Variants in OPCML observed in about 807,000 individuals in gnomAD.
The protein encoded by OPCML is opioid-binding protein/cell adhesion molecule.
A neutral mutation model predicts 37.8 loss-of-function variants in OPCML; 13 were observed. The observed-to-expected ratio is 0.34, with a 90% confidence interval of 0.22 to 0.55. The LOEUF (loss-of-function observed/expected upper bound fraction) is 0.55. Ranked by LOEUF, OPCML falls within the 20% of genes least tolerant of loss-of-function variation. OPCML has a pLI of 0.91. For synonymous variants in OPCML, 176 were observed against 168.8 expected (o/e 1.04, Z -0.33); for missense variants, 341 against 435.6 (o/e 0.78, Z 1.93).
intron 2 of OPCML, among the ~76,000 whole-genome samples, chr11:132,842,253 T>C (rs1941327793): frequency 6.6e-6 from 1 of 152,168 alleles, no homozygotes; most frequent in Non-Finnish European, 1.5e-5. Context: ...CAAGTCTTCC[T>C]CTCACGCCGC....
chr11:133,015,395 TGAAGGAAGGAAGGAAGGAAG>T (rs1212156985), intron 1 of OPCML, among the ~76,000 whole-genome samples: 1 of 68,206 alleles, frequency 1.5e-5, no homozygotes, highest in Admixed American at 1.7e-4. Context: ...AAGGAAGGAA[TGAAGGAAGGAAGGAAGGAAG>T]GAAGGAAGGA....
intron 2 of OPCML, among the ~76,000 whole-genome samples, chr11:132,883,389 A>G (rs778195924): frequency 1.3e-5 from 2 of 152,222 alleles, no homozygotes; most frequent in Non-Finnish European, 2.9e-5. Context: ...CCCGCAAGAG[A>G]GCACAGGATT....
At chr11:133,112,310 A>AG (rs371020936) in intron 1 of OPCML, among the ~76,000 whole-genome samples, 4 of 91,394 alleles carry the variant, frequency 4.4e-5, no homozygotes, top group Non-Finnish European at 5.6e-5. Flanking sequence ...AAAAAAAAAA[A>AG]GGGGAAAGAA....
At chr11:132,493,133 G>A (rs752265166) in intron 4 of OPCML, among the ~76,000 whole-genome samples, 28 of 152,318 alleles carry the variant, frequency 1.8e-4, no homozygotes, top group Non-Finnish European at 3.4e-4. Flanking sequence ...TAAATTGAGT[G>A]TGGTGGTGGA....
At chr11:132,575,565 C>T (rs2096448490) in intron 3 of OPCML, among the ~76,000 whole-genome samples, 1 of 151,732 alleles carries the variant, frequency 6.6e-6, no homozygotes, top group Non-Finnish European at 1.5e-5. Flanking sequence ...GTCATAATTT[C>T]CATTTGTTTT....
intron 2 of OPCML, chr11:132,772,884 A>T (rs1946688211): frequency 6.6e-6 from 1 of 152,248 alleles, no homozygotes; most frequent in Admixed American, 6.5e-5. Context: ...GAGTGTGATC[A>T]AAGCCCAGCT....
chr11:133,467,925 TAA>T (rs1032388282), intron 1 of OPCML, among the ~76,000 whole-genome samples: 2 of 152,194 alleles, frequency 1.3e-5, no homozygotes, highest in Non-Finnish European at 2.9e-5. Context: ...ATCATTTGTA[TAA>T]TAGGAGATCT....
chr11:133,340,606 CTCTGTGTGTGTGTG>C (rs1472083463), intron 1 of OPCML, among the ~76,000 whole-genome samples: 2,393 of 109,352 alleles, frequency 0.022, 66 homozygotes, highest in African/African-American at 0.087. Context: ...TTAAGACTCT[CTCTGTGTGTGTGTG>C]TGTGTGTGTG....
rs144630630 is a variant in OPCML, at chr11:132,999,586, C to T, written c.62-56576G>A. 7.2e-3 allele frequency among the ~76,000 whole-genome samples: 1,095 copies of T among 151,280 alleles called. 18 individuals are homozygous for T. The highest frequency in any genetic ancestry group is 0.026 in the African/African-American group (1,047 of 40,768). ...AATGGGGTCGGGGGGGGAATGCCAC[C>T]GGTAATGAACAAAAGCTTTTTAACA... On this transcript the variant is annotated intron_variant, in intron 1 of 7. Coordinates refer to ENST00000524381, the MANE Select transcript of OPCML (RefSeq NM_001012393.5).
intron 3 of OPCML, among the ~76,000 whole-genome samples, chr11:132,547,306 A>G (rs1478491867): frequency 6.6e-6 from 1 of 152,192 alleles, no homozygotes; most frequent in Non-Finnish European, 1.5e-5. Context: ...ATAGGCATTC[A>G]TTGTTTCTCA....
At chr11:132,786,721 A>T (rs1947224078) in intron 2 of OPCML, among the ~76,000 whole-genome samples, 1 of 152,182 alleles carries the variant, frequency 6.6e-6, no homozygotes, top group Admixed American at 6.5e-5. Flanking sequence ...TAGTCACCAG[A>T]TCTGTGTATA....
rs369828061 is a variant in OPCML at position 132,651,415 on chromosome 11, CTGTT to C, written c.379+5668_379+5671del. 2.5e-3 allele frequency among the ~76,000 whole-genome samples: 379 copies of C among 152,272 alleles called. 3 individuals carry two copies. The highest frequency in any genetic ancestry group is 8.5e-3 in the African/African-American group (353 of 41,546). ...TAATGCATATAAAGTACCTTGTTAA[CTGTT>C]TGTATTTTGATAACTTTTTTTCTCG... On this transcript the variant is annotated intron_variant, in intron 3 of 7. Transcript: ENST00000524381.
intron 1 of OPCML, among the ~76,000 whole-genome samples, chr11:133,398,133 T>A (rs912581368): frequency 6.6e-6 from 1 of 152,176 alleles, no homozygotes; most frequent in Non-Finnish European, 1.5e-5. Context: ...ACCTGGGGGA[T>A]CGAACCTTGC....
At chr11:132,861,705 T>G (rs1942308102) in intron 2 of OPCML, among the ~76,000 whole-genome samples, 1 of 151,950 alleles carries the variant, frequency 6.6e-6, no homozygotes, top group African/African-American at 2.4e-5. Flanking sequence ...CGTGGTGGCG[T>G]GCACCTGTAA....
chr11:133,441,022 G>A (rs969196637), intron 1 of OPCML, among the ~76,000 whole-genome samples: 1 of 151,082 alleles, frequency 6.6e-6, no homozygotes, highest in Non-Finnish European at 1.5e-5. Flanking sequence ...AGAATTTGAG[G>A]GTTTTACAGA....
chr11:132,428,506 G>T (rs1368981513), intron 7 of OPCML, among the ~76,000 whole-genome samples: 2 of 152,172 alleles, frequency 1.3e-5, no homozygotes, highest in Non-Finnish European at 2.9e-5. Flanking sequence ...CTTCAGCGGA[G>T]CTCACAAATG....
chr11:132,634,772 T>G (rs1252566111), intron 3 of OPCML, among the ~76,000 whole-genome samples: 2 of 152,250 alleles, frequency 1.3e-5, no homozygotes, highest in Non-Finnish European at 2.9e-5. Flanking sequence ...GACCATAAGT[T>G]ATCACTTAGA....
chr11:132,815,919 A>C (rs1030172061), intron 2 of OPCML, among the ~76,000 whole-genome samples: 4 of 152,236 alleles, frequency 2.6e-5, no homozygotes, highest in African/African-American at 9.6e-5. Context: ...CACAAGGAAG[A>C]TAAGATGGGT....
chr11:133,439,470 G>T lies in OPCML; in HGVS notation c.61+92794C>A, dbSNP rs567572300. 1.2e-5 allele frequency: 12 copies of T among 981,914 alleles called. No individual in the cohort carries two copies. In the East Asian group the frequency reaches 3.4e-4, roughly 28 times the overall value. The allele number at this position is 981,914 out of a possible 1,614,324, so 60.8% of individuals were successfully genotyped here. A position where few individuals can be genotyped will look rare whatever the true frequency, so the allele number is the denominator to read the frequency against. On this transcript the variant is annotated intron_variant, in intron 1 of 7. Transcript: ENST00000524381. ...TGTTTTTTTGTTTTTCTTTGTTTTT[G>T]TTTTTTTTCTTTTTTGAGATGGAGT... is the stretch of plus-strand genomic sequence containing the variant.
Sources: gnomAD v4.1 joint callset for allele counts (sites outside exome capture counted in the v4.1 genomes callset) on GRCh38, gnomAD v4.1.1 for gene constraint, MANE v1.5 for transcripts, NCBI Gene and HGNC (gene_info 2026-07-23, HGNC 2026-07-21) for gene names.